The following KCNT2 variants were observed in gnomAD, a reference collection of about 807,000 sequenced individuals.
KCNT2 encodes potassium sodium-activated channel subfamily T member 2.
KCNT2 carries 67 observed loss-of-function variants against 153.8 expected under a neutral mutation model. The ratio of observed to expected loss-of-function variants is 0.44; its 90% CI spans 0.36 to 0.53. The LOEUF is 0.53. KCNT2 is among the 20% of genes least tolerant of loss of function. KCNT2 has a pLI of 0.00. For synonymous variants in KCNT2, 500 were observed against 458.8 expected (o/e 1.09, Z -1.15); for missense variants, 975 against 1,354.8 (o/e 0.72, Z 4.40).
rs976840502 is a variant in KCNT2, at chr1:196,571,765, T to C, written c.95+36450A>G. 3.3e-5 allele frequency among the ~76,000 whole-genome samples: 5 copies of C among 152,168 alleles called. No individual in the cohort carries two copies. The South Asian group carries it at 6.2e-4, about 19-fold the overall frequency. ...TATTCCCCTAGACATGCAGAAATTC[T>C]TCCACAGAAAGGGTCAGCTCAGTAG... On this transcript the variant is annotated intron_variant, in intron 1 of 27. Coordinates refer to ENST00000294725, the MANE Select transcript of KCNT2 (RefSeq NM_198503.5).
At chr1:196,389,337 C>T (rs926546513) in intron 13 of KCNT2, among the ~76,000 whole-genome samples, 6 of 151,492 alleles carry the variant, frequency 4.0e-5, no homozygotes, top group South Asian at 2.1e-4. Context: ...CAAATAATGC[C>T]GGCCTTACAA....
intron 1 of KCNT2, among the ~76,000 whole-genome samples, chr1:196,530,729 T>G (rs955391875): frequency 6.6e-6 from 1 of 152,062 alleles, no homozygotes; most frequent in African/African-American, 2.4e-5. Context: ...GCTAACAAAA[T>G]AAGAAACATC....
intron 14 of KCNT2, among the ~76,000 whole-genome samples, chr1:196,346,448 C>T (rs1666150932): frequency 6.6e-6 from 1 of 152,084 alleles, no homozygotes; most frequent in Non-Finnish European, 1.5e-5. Flanking sequence ...CACCAAATTC[C>T]TAATTATCTG....
chr1:196,533,031 A>C (rs1655143810), intron 1 of KCNT2, among the ~76,000 whole-genome samples: 1 of 152,126 alleles, frequency 6.6e-6, no homozygotes. Context: ...AGAGATCTCT[A>C]TCTGGCCAAA....
intron 12 of KCNT2, among the ~76,000 whole-genome samples, chr1:196,412,367 T>G (rs1672407927): frequency 6.6e-6 from 1 of 151,742 alleles, no homozygotes; most frequent in South Asian, 2.1e-4. Context: ...GGTATGTCCA[T>G]GTTTGGGGTA....
At chr1:196,437,656 T>C (rs1242300334) in intron 8 of KCNT2, among the ~76,000 whole-genome samples, 1 of 150,758 alleles carries the variant, frequency 6.6e-6, no homozygotes, top group Non-Finnish European at 1.5e-5. Flanking sequence ...TGAATATCTT[T>C]TTAGTATAAT....
chr1:196,526,907 C>T (rs2148837558), intron 1 of KCNT2, among the ~76,000 whole-genome samples: 1 of 152,212 alleles, frequency 6.6e-6, no homozygotes, highest in Non-Finnish European at 1.5e-5. Context: ...CAGACTAGTA[C>T]CAGTCTGTGA....
At chr1:196,494,462 C>A (rs1680091825) in intron 1 of KCNT2, among the ~76,000 whole-genome samples, 1 of 151,910 alleles carries the variant, frequency 6.6e-6, no homozygotes, top group African/African-American at 2.4e-5. Context: ...TGCAGTGGCG[C>A]GATCTCAGCT....
intron 8 of KCNT2, 109 bp downstream of exon 8, chr1:196,465,184 G>C: frequency 1.6e-6 from 1 of 626,544 alleles, no homozygotes; most frequent in Non-Finnish European, 2.8e-6. Flanking sequence ...GTGAATATTT[G>C]TTTATTTATT....
At position 196,423,033 on chromosome 1, in the gene KCNT2, A is replaced by G. The variant is rs145726705; in HGVS notation, c.1185+17T>C. 845 of 1,515,794 alleles carry G rather than the reference A, an allele frequency of 5.6e-4. 6 individuals carry two copies. In the East Asian group the frequency reaches 0.016, roughly 28 times the overall value. 93.9% of individuals were successfully genotyped at this position (1,515,794 alleles called of 1,614,324 possible). On this transcript the variant is annotated intron_variant, in intron 12 of 27. Transcript: ENST00000294725. ...AATGGAAAGCACAACTTACTAAAAA[A>G]GATTTTAGAAACTTACAGATGATGT...
At chr1:196,471,255 C>T (rs1204748675) in intron 5 of KCNT2, among the ~76,000 whole-genome samples, 1 of 151,942 alleles carries the variant, frequency 6.6e-6, no homozygotes, top group Non-Finnish European at 1.5e-5. Context: ...AATGAAAAGA[C>T]CAGAAAAGCT....
intron 13 of KCNT2, among the ~76,000 whole-genome samples, chr1:196,375,592 T>A (rs2148343343): frequency 6.6e-6 from 1 of 151,842 alleles, no homozygotes; most frequent in Admixed American, 6.6e-5. Flanking sequence ...AGTGTTTACA[T>A]ATTAAAAAAA....
At chr1:196,491,669 T>C (rs1460875554) in intron 2 of KCNT2, among the ~76,000 whole-genome samples, 2 of 152,036 alleles carry the variant, frequency 1.3e-5, no homozygotes, top group Admixed American at 1.3e-4. Context: ...TATGCCAATT[T>C]TGTATTCTTG....
At chr1:196,274,197 G>C in intron 25 of KCNT2, among the ~76,000 whole-genome samples, 1 of 151,132 alleles carries the variant, frequency 6.6e-6, no homozygotes. Context: ...GCTAAGTAGG[G>C]GTTATAAATA....
At chr1:196,321,097 T>C (rs1663270111) in intron 19 of KCNT2, among the ~76,000 whole-genome samples, 4 of 151,710 alleles carry the variant, frequency 2.6e-5, no homozygotes. Context: ...TTTCAACAAA[T>C]ATTATAACCA....
chr1:196,301,725 T>C (rs1661200290), intron 22 of KCNT2, among the ~76,000 whole-genome samples: 1 of 152,030 alleles, frequency 6.6e-6, no homozygotes, highest in Non-Finnish European at 1.5e-5. Context: ...GCCAAGCTGG[T>C]GTTTATTTCT....
At chr1:196,281,110 T>G (rs746655057) in intron 24 of KCNT2, 122 bp from the exon 25 acceptor site, 56 of 720,414 alleles carry the variant, frequency 7.8e-5, no homozygotes, top group Non-Finnish European at 1.2e-4. Context: ...TCACCCAGGC[T>G]ACAGTGCAAC....
intron 14 of KCNT2, among the ~76,000 whole-genome samples, chr1:196,365,854 G>C (rs559459778): frequency 1.3e-5 from 2 of 152,244 alleles, no homozygotes; most frequent in East Asian, 1.9e-4. Context: ...TACTTGTATA[G>C]ATTCTGACTG....
chr1:196,512,919 T>A (rs143103446), intron 1 of KCNT2, among the ~76,000 whole-genome samples: 2 of 152,252 alleles, frequency 1.3e-5, no homozygotes, highest in African/African-American at 4.8e-5. Flanking sequence ...ACTGCCAGAT[T>A]GGATCCCTAG....
Sources: allele counts gnomAD v4.1 joint callset (sites outside exome capture counted in the v4.1 genomes callset), GRCh38; gene constraint gnomAD v4.1.1; transcripts MANE v1.5; gene names NCBI Gene and HGNC (gene_info 2026-07-23, HGNC 2026-07-21).